MAP3K15: variants seen among roughly 807,000 people sequenced by gnomAD.
MAP3K15 encodes the protein mitogen-activated protein kinase kinase kinase 15.
In MAP3K15, 124 loss-of-function variants were observed where a neutral mutation model predicts 99.5. The observed-to-expected ratio is 1.25, with a 90% CI of 1.08 to 1.45. The LOEUF is 1.45. MAP3K15 is among the 40% of genes most tolerant of loss of function. The pLI is 0.00. For synonymous variants in MAP3K15, 494 were observed against 439.6 expected, an observed-to-expected ratio of 1.12 and a Z score of -1.55; for missense variants, 1,242 against 1,079.7, an observed-to-expected ratio of 1.15 and a Z score of -2.11.
chrX:19,371,649 A>AG, intron 22 of MAP3K15, 119 bp from the exon 23 acceptor site: 1 of 657,732 alleles, frequency 1.5e-6, no homozygotes, highest in Non-Finnish European at 2.3e-6. Context: ...CCAGGTGAGA[A>AG]GGGGTCTCTG....
intron 3 of MAP3K15, among the ~76,000 whole-genome samples, chrX:19,483,329 A>C (rs1416592894): frequency 1.8e-5 from 2 of 110,323 alleles, no homozygotes; most frequent in African/African-American, 6.6e-5. Context: ...AATTCAATAC[A>C]TCATCAAGCA....
Position 19,431,408 on chromosome X carries a change from A to G in MAP3K15, c.1166+30T>C, listed in dbSNP as rs1237599658. On this transcript the variant is annotated intron_variant, in intron 7 of 28. Transcript: ENST00000338883. ...GCGATTCTGTTCCTTGAAGAGATGC[A>G]AGTGCTCATAACTCGGGCTGAGGGT... 3 of 1,185,762 alleles carry G rather than the reference A, an allele frequency of 2.5e-6. No homozygotes were observed. The South Asian group carries it at 5.4e-5, about 21-fold the overall frequency.
At chrX:19,419,439 A>G (rs1185005663) in intron 9 of MAP3K15, among the ~76,000 whole-genome samples, 1 of 110,217 alleles carries the variant, frequency 9.1e-6, no homozygotes, top group East Asian at 2.8e-4. Flanking sequence ...AAAGAGACAA[A>G]GAAGGCCATT....
rs1208885043 is a variant in MAP3K15, at chrX:19,367,811, C to T, written c.3566+1243G>A. Among the ~76,000 whole-genome samples, 4 of 88,309 alleles carry T rather than the reference C, an allele frequency of 4.5e-5. No homozygotes were observed. The South Asian group carries it at 2.1e-3, about 46-fold the overall frequency. 76.7% of individuals were successfully genotyped at this position (88,309 alleles called of 115,157 possible). On this transcript the variant is annotated intron_variant, in intron 25 of 28. Coordinates refer to ENST00000338883, the MANE Select transcript of MAP3K15 (RefSeq NM_001001671.4). ...TCGCCCAGGCTGGAGTGCAGTGGCA[C>T]GATCTCGGCTCACTGCAACCTCCGC...
In MAP3K15 at chrX:19,487,629, A is replaced by G. The variant is rs182594099; in HGVS notation, c.502-1124T>C. ...TACAAATGACTTATTAAAATACAGT[A>G]TTTTGCCATAATTACTGAGTACATA... On this transcript the variant is annotated intron_variant, in intron 2 of 28. Transcript: ENST00000338883. Among the ~76,000 whole-genome samples, 12 of 112,050 alleles carry G rather than the reference A, an allele frequency of 1.1e-4. No homozygotes were observed. In the Admixed American group the frequency reaches 1.1e-3, roughly 11 times the overall value.
chrX:19,445,109 C>G (rs745599325), intron 6 of MAP3K15, among the ~76,000 whole-genome samples: 1 of 111,182 alleles, frequency 9.0e-6, no homozygotes, highest in South Asian at 3.8e-4. Flanking sequence ...CAGTGGTCAT[C>G]TGCTCATTAA....
intron 9 of MAP3K15, among the ~76,000 whole-genome samples, chrX:19,416,777 T>C (rs1246618301): frequency 8.9e-6 from 1 of 111,972 alleles, no homozygotes; most frequent in Non-Finnish European, 1.9e-5. Context: ...TTTATGTTAT[T>C]GGTAAGGCTT....
At chrX:19,460,264 C>T (rs1358578044) in intron 4 of MAP3K15, 111 bp from the exon 5 acceptor site, 4 of 448,296 alleles carry the variant, frequency 8.9e-6, no homozygotes, top group Non-Finnish European at 1.4e-5. Context: ...ATAGGGACCT[C>T]GGCCCAGACC....
rs184485576 is a variant in MAP3K15 at position 19,499,047 on chromosome X, A to C, written c.362-10080T>G. On this transcript the variant is annotated intron_variant, in intron 1 of 28. Transcript: ENST00000338883. ...CACAAAATATATGACAAAGCACTTA[A>C]ATCCAAAACATAAAAACCTCTCATA... 7.1e-5 allele frequency among the ~76,000 whole-genome samples: 8 copies of C among 112,126 alleles called. No individual in the cohort carries two copies. The Admixed American group carries it at 7.6e-4, about 11-fold the overall frequency.
intron 3 of MAP3K15, among the ~76,000 whole-genome samples, chrX:19,474,464 T>C (rs1394587048): frequency 1.4e-4 from 14 of 97,692 alleles, no homozygotes. Context: ...CATTTTTTTT[T>C]GCACAAATAT....
rs954543264 is a variant in MAP3K15 at position 19,492,641 on chromosome X, C to T, written c.362-3674G>A. ...ATTAGACATTCTGCCTATAGGATTG[C>T]TTCCTGGACTCTTACTTATCTACAT... On this transcript the variant is annotated intron_variant, in intron 1 of 28. Transcript: ENST00000338883. 4.5e-5 allele frequency among the ~76,000 whole-genome samples: 5 copies of T among 111,795 alleles called. No individual in the cohort carries two copies. The East Asian group carries it at 1.4e-3, about 31-fold the overall frequency.
At chrX:19,362,281 G>C (rs1316427000) in intron 26 of MAP3K15, among the ~76,000 whole-genome samples, 2 of 96,694 alleles carry the variant, frequency 2.1e-5, no homozygotes, top group African/African-American at 4.1e-5. Context: ...ACTCAGGCCA[G>C]AGTGCAGTGG....
At chrX:19,362,552 C>T (rs772950926) in intron 26 of MAP3K15, among the ~76,000 whole-genome samples, 186 bp downstream of exon 26, 1 of 111,181 alleles carries the variant, frequency 9.0e-6, no homozygotes, top group African/African-American at 3.3e-5. Context: ...AGCTCTTTCA[C>T]TTAGCATACT....
At chrX:19,415,708 C>T (rs1701618692) in intron 9 of MAP3K15, among the ~76,000 whole-genome samples, 1 of 109,337 alleles carries the variant, frequency 9.1e-6, no homozygotes, top group Admixed American at 9.8e-5. Context: ...AACTGTGAAG[C>T]CTAGAAATAT....
At chrX:19,415,769 T>C (rs1157877672) in intron 9 of MAP3K15, among the ~76,000 whole-genome samples, 1 of 111,421 alleles carries the variant, frequency 9.0e-6, no homozygotes, top group Non-Finnish European at 1.9e-5. Flanking sequence ...ATAAAATATA[T>C]GTAGGTACTG....
intron 9 of MAP3K15, among the ~76,000 whole-genome samples, chrX:19,424,050 A>C (rs1322898018): frequency 9.0e-6 from 1 of 110,888 alleles, no homozygotes; most frequent in African/African-American, 3.3e-5. Flanking sequence ...GGAAGCTTGC[A>C]CGTGGTCTCT....
intron 9 of MAP3K15, among the ~76,000 whole-genome samples, chrX:19,424,309 C>T (rs1482018188): frequency 9.7e-6 from 1 of 103,077 alleles, no homozygotes; most frequent in South Asian, 4.1e-4. Context: ...TATATACACA[C>T]ATATATATAC....
chrX:19,377,330 G>A (rs376702346), intron 19 of MAP3K15, among the ~76,000 whole-genome samples: 1 of 112,161 alleles, frequency 8.9e-6, no homozygotes, highest in South Asian at 3.7e-4. Context: ...GAGGCAGGTG[G>A]ATCACTGGAG....
In MAP3K15 at chrX:19,374,677, G is replaced by A; in HGVS notation, c.2590-17C>T. 2 of 1,196,279 alleles carry A rather than the reference G, an allele frequency of 1.7e-6. No homozygotes were observed. Among genetic ancestry groups the A allele is most frequent in the Non-Finnish European group, 1.1e-6 (1 of 884,511 alleles). ...CATGCCCACCTGCATTTAAGGGAGA[G>A]GTAACCGATGTGTCAGTGAGGCCTT... On this transcript the variant is annotated splice_polypyrimidine_tract_variant and intron_variant, in intron 19 of 28. Coordinates refer to ENST00000338883, the MANE Select transcript of MAP3K15 (RefSeq NM_001001671.4).
Sources: allele counts gnomAD v4.1 joint callset (sites outside exome capture counted in the v4.1 genomes callset), GRCh38; gene constraint gnomAD v4.1.1; transcripts MANE v1.5; gene names NCBI Gene and HGNC (gene_info 2026-07-23, HGNC 2026-07-21).